BCL2: variants seen among roughly 807,000 people sequenced by gnomAD.
The protein encoded by BCL2 is apoptosis regulator Bcl-2.
A neutral mutation model predicts 14.2 loss-of-function variants in BCL2; 1 was observed. The observed-to-expected ratio is 0.07, with a 90% CI of 0.02 to 0.33. The LOEUF (loss-of-function observed/expected upper bound fraction) is 0.33, where lower values mean the gene tolerates loss of function less well. BCL2 is among the 10% of genes least tolerant of loss of function. The pLI, the probability that BCL2 is intolerant of heterozygous loss-of-function variation, is 0.99. For synonymous variants in BCL2, 151 were observed against 137.2 expected, an observed-to-expected ratio of 1.10 and a Z score of -0.70; for missense variants, 247 against 305.9, an observed-to-expected ratio of 0.81 and a Z score of 1.44.
chr18:63,244,425 G>A (rs745560816), intron 2 of BCL2, among the ~76,000 whole-genome samples: 2 of 151,982 alleles, frequency 1.3e-5, no homozygotes, highest in African/African-American at 2.4e-5. Flanking sequence ...CAGGCATGGT[G>A]ACGGGTGCCT....
intron 2 of BCL2, among the ~76,000 whole-genome samples, chr18:63,170,967 A>T (rs1370749948): frequency 6.6e-6 from 1 of 152,256 alleles, no homozygotes; most frequent in Non-Finnish European, 1.5e-5. Context: ...AGGTATTCTT[A>T]GTAAATAGAC....
At chr18:63,245,307 G>A (rs2144199012) in intron 2 of BCL2, among the ~76,000 whole-genome samples, 1 of 152,186 alleles carries the variant, frequency 6.6e-6, no homozygotes, top group Middle Eastern at 3.4e-3. Context: ...TGTGTTTTTT[G>A]GTTCTGAGCT....
chr18:63,147,734 T>C (rs1341033262), intron 2 of BCL2, among the ~76,000 whole-genome samples: 1 of 152,218 alleles, frequency 6.6e-6, no homozygotes, highest in African/African-American at 2.4e-5. Flanking sequence ...GGATGTCTTC[T>C]CTGGATGTGT....
chr18:63,194,871 C>T (rs772503229), intron 2 of BCL2, among the ~76,000 whole-genome samples: 11 of 152,164 alleles, frequency 7.2e-5, no homozygotes, highest in Non-Finnish European at 1.5e-4. Flanking sequence ...ATAAGGCTTG[C>T]CTTGGACTCA....
chr18:63,305,246 G>C (rs916006950), intron 2 of BCL2, among the ~76,000 whole-genome samples: 2 of 152,220 alleles, frequency 1.3e-5, no homozygotes, highest in African/African-American at 4.8e-5. Context: ...GAAAGCAGTA[G>C]AGTATACTAG....
chr18:63,297,132 G>A (rs1484333681), intron 2 of BCL2, among the ~76,000 whole-genome samples: 1 of 152,008 alleles, frequency 6.6e-6, no homozygotes, highest in Non-Finnish European at 1.5e-5. Flanking sequence ...AGAATGGCAT[G>A]AACCCTGGAG....
At chr18:63,284,280 C>T (rs567114940) in intron 2 of BCL2, among the ~76,000 whole-genome samples, 1 of 152,252 alleles carries the variant, frequency 6.6e-6, no homozygotes, top group African/African-American at 2.4e-5. Context: ...ACAGGACTGA[C>T]TGGGAGCGCA....
intron 2 of BCL2, among the ~76,000 whole-genome samples, chr18:63,261,551 G>A (rs982705072): frequency 2.0e-5 from 3 of 152,154 alleles, no homozygotes; most frequent in African/African-American, 4.8e-5. Context: ...ACAACTCAGC[G>A]TGGAGTTGTT....
intron 2 of BCL2, among the ~76,000 whole-genome samples, chr18:63,297,919 A>G (rs983880049): frequency 6.6e-6 from 1 of 152,096 alleles, no homozygotes; most frequent in Admixed American, 6.6e-5. Context: ...ACAGATGAGC[A>G]CGTGTCCCTG....
intron 2 of BCL2, among the ~76,000 whole-genome samples, chr18:63,162,915 C>A (rs1417555746): frequency 2.6e-5 from 4 of 151,994 alleles, no homozygotes; most frequent in Non-Finnish European, 5.9e-5. Context: ...GGAGTGCAGT[C>A]GCAATTATAG....
At chr18:63,234,190 C>G (rs1910761177) in intron 2 of BCL2, among the ~76,000 whole-genome samples, 1 of 152,106 alleles carries the variant, frequency 6.6e-6, no homozygotes, top group Non-Finnish European at 1.5e-5. Context: ...AACCCATCAC[C>G]TAGGTATTAA....
intron 2 of BCL2, among the ~76,000 whole-genome samples, chr18:63,265,414 T>C (rs1911798533): frequency 6.6e-6 from 1 of 152,182 alleles, no homozygotes. Flanking sequence ...AAACATTTCA[T>C]CCAAGATTAA....
intron 2 of BCL2, among the ~76,000 whole-genome samples, chr18:63,219,504 T>G (rs1910324508): frequency 1.4e-5 from 2 of 142,874 alleles, no homozygotes; most frequent in Non-Finnish European, 3.0e-5. Flanking sequence ...TCGCCCAGGG[T>G]AGAACACAGT....
At chr18:63,257,136 T>A (rs1911502635) in intron 2 of BCL2, among the ~76,000 whole-genome samples, 2 of 152,196 alleles carry the variant, frequency 1.3e-5, no homozygotes, top group Admixed American at 1.3e-4. Flanking sequence ...AAAGTTAGCA[T>A]CTCTGTATTG....
intron 2 of BCL2, 105 bp downstream of exon 2, chr18:63,317,977 G>A (rs572076117): frequency 1.6e-4 from 243 of 1,495,562 alleles, no homozygotes; most frequent in South Asian, 7.3e-4. Context: ...ATTTTATTTC[G>A]CCGGCTCCAC....
At chr18:63,175,309 C>T (rs187287522) in intron 2 of BCL2, among the ~76,000 whole-genome samples, 19 of 152,324 alleles carry the variant, frequency 1.2e-4, no homozygotes, top group East Asian at 1.9e-4. Flanking sequence ...TTAAGTTAGA[C>T]GTGGGAGTGG....
intron 2 of BCL2, among the ~76,000 whole-genome samples, chr18:63,133,637 AG>A (rs919048844): frequency 2.0e-5 from 3 of 152,016 alleles, no homozygotes; most frequent in Non-Finnish European, 4.4e-5. Flanking sequence ...TTTTTAAAAA[AG>A]GTCAGATTGT....
chr18:63,235,485 C>T (rs1910802716), intron 2 of BCL2, among the ~76,000 whole-genome samples: 1 of 152,026 alleles, frequency 6.6e-6, no homozygotes, highest in Admixed American at 6.5e-5. Flanking sequence ...ACAAATCTTA[C>T]AAATACAATG....
At chr18:63,219,320 C>T (rs1910314239) in intron 2 of BCL2, among the ~76,000 whole-genome samples, 1 of 152,102 alleles carries the variant, frequency 6.6e-6, no homozygotes, top group Admixed American at 6.5e-5. Context: ...AGTGATTGTC[C>T]TTTCTCCTGA....
Sources: gnomAD v4.1 joint callset for allele counts (sites outside exome capture counted in the v4.1 genomes callset) on GRCh38, gnomAD v4.1.1 for gene constraint, MANE v1.5 for transcripts, NCBI Gene and HGNC (gene_info 2026-07-23, HGNC 2026-07-21) for gene names.